FAAH2: variants seen among roughly 807,000 people sequenced by gnomAD.
FAAH2 encodes fatty acid amide hydrolase 2, also known as fatty-acid amide hydrolase 2.
A neutral mutation model predicts 36.9 loss-of-function variants in FAAH2; 60 were observed. The observed-to-expected ratio is 1.63, with a 90% CI of 1.32 to 2.02. The LOEUF is 2.02. Ranked by LOEUF, FAAH2 falls within the 30% of genes most tolerant of loss-of-function variation. The pLI is 0.00. For synonymous variants in FAAH2, 214 were observed against 143.8 expected (o/e 1.49, Z -3.49); for missense variants, 689 against 397.5 (o/e 1.73, Z -6.23).
At chrX:57,140,419 A>G in the FAAH2 span, among the ~76,000 whole-genome samples, 1 of 96,925 alleles carries the variant, frequency 1.0e-5, no homozygotes. Flanking sequence ...ATCTCTACCA[A>G]AAAAAAAAAA....
upstream of FAAH2, among the ~76,000 whole-genome samples, chrX:57,282,339 T>A (rs961087929): frequency 2.7e-5 from 3 of 112,265 alleles, no homozygotes; most frequent in East Asian, 5.6e-4. Context: ...AGCATTTTTT[T>A]AATGTTTTTT....
chrX:57,307,179 C>G (rs925988447), intron 2 of FAAH2, among the ~76,000 whole-genome samples: 2 of 104,251 alleles, frequency 1.9e-5, no homozygotes, highest in African/African-American at 6.8e-5. Flanking sequence ...ATCCCTTCAT[C>G]TTTCTATTCT....
chrX:57,459,359 C>G (rs1017280158), intron 10 of FAAH2, among the ~76,000 whole-genome samples: 1 of 112,244 alleles, frequency 8.9e-6, no homozygotes, highest in Non-Finnish European at 1.9e-5. Context: ...TTTCATCTCC[C>G]TGGGGCAGAG....
chrX:57,168,687 G>A, the FAAH2 span, among the ~76,000 whole-genome samples: 1 of 111,688 alleles, frequency 9.0e-6, no homozygotes, highest in East Asian at 2.8e-4. Context: ...TTCATCAACT[G>A]CAGTACAGTG....
chrX:57,168,883 A>G, the FAAH2 span, among the ~76,000 whole-genome samples: 1 of 112,517 alleles, frequency 8.9e-6, no homozygotes, highest in African/African-American at 3.2e-5. Context: ...TGACAAAAGC[A>G]TAGTGTCATA....
Position 57,286,885 on chromosome X carries a change from C to T in FAAH2, c.60C>T (p.Leu20=), listed in dbSNP as rs745494634. 5 of 1,200,994 alleles carry T rather than the reference C, an allele frequency of 4.2e-6. No homozygotes were observed. Among genetic ancestry groups the T allele is most frequent in the Non-Finnish European group, 4.5e-6 (4 of 891,252 alleles). The part of the protein sequence containing the change: ...QLFLLRALGF[L]IGLVGRAALV... Reference sequence around the variant, plus strand: ...TCCTCTTGCGGGCGCTAGGCTTTCTCATAGGCTTAGTAGGCCGAGCAGCTT... The same window carrying T: ...TCCTCTTGCGGGCGCTAGGCTTTCTTATAGGCTTAGTAGGCCGAGCAGCTT... The change falls in exon 1 of 11, where the codon CTC becomes CTT. Residue 20 remains leucine, a synonymous_variant. Transcript: ENST00000374900.
At chrX:57,340,004 C>G (rs1174759224) in intron 4 of FAAH2, among the ~76,000 whole-genome samples, 4 of 111,102 alleles carry the variant, frequency 3.6e-5, no homozygotes, top group Non-Finnish European at 7.5e-5. Context: ...AGTTGAAGTC[C>G]CACAATAGGC....
At chrX:57,189,498 T>C in the FAAH2 span, among the ~76,000 whole-genome samples, 1 of 109,941 alleles carries the variant, frequency 9.1e-6, no homozygotes, top group Admixed American at 9.8e-5. Context: ...ATTTTGGCAC[T>C]GGTTTTTCCT....
intron 5 of FAAH2, among the ~76,000 whole-genome samples, chrX:57,363,976 C>T (rs1217161397): frequency 1.0e-5 from 1 of 98,895 alleles, no homozygotes; most frequent in East Asian, 3.2e-4. Flanking sequence ...AGGATTTTTG[C>T]ATCTATGTTC....
the FAAH2 span, among the ~76,000 whole-genome samples, chrX:57,215,455 C>G: frequency 9.0e-6 from 1 of 111,428 alleles, no homozygotes; most frequent in Non-Finnish European, 1.9e-5. Flanking sequence ...CCCGGGAATC[C>G]TATTACTGGG....
At chrX:57,124,380 A>T in the FAAH2 span, among the ~76,000 whole-genome samples, 1 of 111,893 alleles carries the variant, frequency 8.9e-6, no homozygotes, top group Admixed American at 9.4e-5. Context: ...TTTTGGTACC[A>T]GTACCATGCT....
Position 57,394,819 on chromosome X carries a change from G to T in FAAH2, c.996+13790G>T, listed in dbSNP as rs1171709963. 5.5e-6 allele frequency: 6 copies of T among 1,092,570 alleles called. No homozygotes were observed. In the African/African-American group the frequency reaches 7.3e-5, roughly 13 times the overall value. 90.0% of individuals were successfully genotyped at this position (1,092,570 alleles called of 1,213,427 possible). A position where few individuals can be genotyped will look rare whatever the true frequency, so the allele number is the denominator to read the frequency against. On this transcript the variant is annotated intron_variant, in intron 7 of 10. Transcript: ENST00000374900. ...CTTTATTTACCTCCTCATCCAGATT[G>T]GCAGTCTTGGAGTGGCAGGTGGTCA...
intron 3 of FAAH2, among the ~76,000 whole-genome samples, chrX:57,330,699 G>A (rs1345664580): frequency 9.0e-6 from 1 of 111,394 alleles, no homozygotes; most frequent in Non-Finnish European, 1.9e-5. Flanking sequence ...TCCCCCAGAT[G>A]CCCAGCTTTA....
intron 7 of FAAH2, among the ~76,000 whole-genome samples, chrX:57,425,332 G>T (rs1228160145): frequency 2.7e-5 from 3 of 111,728 alleles, no homozygotes; most frequent in African/African-American, 9.7e-5. Flanking sequence ...CCCTAGTCTA[G>T]TAAAAGGTCT....
At chrX:57,192,975 G>T in the FAAH2 span, among the ~76,000 whole-genome samples, 7 of 112,066 alleles carry the variant, frequency 6.2e-5, no homozygotes, top group Non-Finnish European at 9.4e-5. Context: ...TGTAGAGCAT[G>T]TGTGTTTGAA....
At chrX:57,434,713 C>T (rs966412203) in intron 8 of FAAH2, among the ~76,000 whole-genome samples, 15 of 111,150 alleles carry the variant, frequency 1.3e-4, no homozygotes, top group Non-Finnish European at 5.7e-5. Flanking sequence ...TTTAGAAATC[C>T]TATTTAAGAA....
chrX:57,317,164 C>T (rs758747740), intron 3 of FAAH2, among the ~76,000 whole-genome samples: 1 of 111,836 alleles, frequency 8.9e-6, no homozygotes, highest in African/African-American at 3.2e-5. Context: ...TCACAAATAA[C>T]AATATTAGCC....
At chrX:57,378,492 T>C (rs1435687711) in intron 5 of FAAH2, among the ~76,000 whole-genome samples, 159 bp from the exon 6 acceptor site, 2 of 111,966 alleles carry the variant, frequency 1.8e-5, no homozygotes, top group Admixed American at 1.9e-4. Flanking sequence ...TTAAGAGAGC[T>C]AGTAAAATTG....
the FAAH2 span, among the ~76,000 whole-genome samples, chrX:57,178,823 T>A: frequency 8.9e-6 from 1 of 111,815 alleles, no homozygotes; most frequent in Non-Finnish European, 1.9e-5. Flanking sequence ...CTACTTGGGT[T>A]CCAGGCAGCC....
Sources: gnomAD v4.1 joint callset for allele counts (sites outside exome capture counted in the v4.1 genomes callset) on GRCh38, gnomAD v4.1.1 for gene constraint, MANE v1.5 for transcripts, NCBI Gene and HGNC (gene_info 2026-07-23, HGNC 2026-07-21) for gene names.